The following EEF1A1 variants were observed in gnomAD, a reference collection of about 807,000 sequenced individuals.
EEF1A1 encodes eukaryotic translation elongation factor 1 alpha 1.
In EEF1A1, 1 loss-of-function variant was observed where a neutral mutation model predicts 38.5. The ratio of observed to expected loss-of-function variants is 0.03; its 90% CI spans 0.01 to 0.12. The LOEUF (loss-of-function observed/expected upper bound fraction) is 0.12. Ranked by LOEUF, EEF1A1 falls within the 10% of genes least tolerant of loss-of-function variation. The pLI is 1.00. For missense variants in EEF1A1, 184 were observed against 588.3 expected (o/e 0.31, Z 7.11); for synonymous variants, 229 against 203.7 (o/e 1.12, Z -1.06).
rs1470680770 is a variant in EEF1A1 at position 73,517,125 on chromosome 6, G to A, written c.*685C>T. On this transcript the variant is annotated 3_prime_UTR_variant, in exon 8 of 8. Transcript: ENST00000309268. ...CTTATTTCTTATGTCATGGCAAATA[G>A]TCAACTTTCACTGCCCAGTCATTTT... 2 of 152,246 alleles carry A rather than the reference G, an allele frequency of 1.3e-5. No homozygotes were observed. The highest frequency in any genetic ancestry group is 2.4e-5 in the African/African-American group (1 of 41,432). 9.4% of individuals were successfully genotyped at this position (152,246 alleles called of 1,614,324 possible). A position where few individuals can be genotyped will look rare whatever the true frequency, so the allele number is the denominator to read the frequency against.
At chr6:73,520,886 A>C (rs1424922967) in intron 1 of EEF1A1, 114 bp downstream of exon 1, 1 of 152,604 alleles carries the variant, frequency 6.6e-6, no homozygotes, top group Non-Finnish European at 1.5e-5. Context: ...TCCAACCCGA[A>C]GCTCGGGATC....
At chr6:73,519,801 A>G in intron 2 of EEF1A1, 82 bp downstream of exon 2, 1 of 1,578,168 alleles carries the variant, frequency 6.3e-7, no homozygotes. Flanking sequence ...TAAACCACTC[A>G]CTAGTTCTGG....
rs1374061974 is a variant in EEF1A1 at position 73,519,505 on chromosome 6, G to A, written c.156C>T (p.Gly52=). ...FEKEAAEMGK[G]SFKYAWVLDK... Reference sequence around the variant, plus strand: ...CCAAGACCCAGGCATACTTGAAGGAGCCCTTTCCCATCTGTAAGGATTAAG... The same window carrying A: ...CCAAGACCCAGGCATACTTGAAGGAACCCTTTCCCATCTGTAAGGATTAAG... Residue 52 remains glycine, a synonymous_variant, in exon 3 of 8, where the codon GGC becomes GGT. Transcript: ENST00000309268. 4 of 1,595,794 alleles carry A rather than the reference G, an allele frequency of 2.5e-6. No homozygotes were observed. Among genetic ancestry groups the A allele is most frequent in the Non-Finnish European group, 3.4e-6 (4 of 1,176,950 alleles).
At position 73,519,758 on chromosome 6, in the gene EEF1A1, A is replaced by T. The variant is rs980932433; in HGVS notation, c.144+125T>A. On this transcript the variant is annotated intron_variant, in intron 2 of 7. Coordinates refer to ENST00000309268, the MANE Select transcript of EEF1A1 (RefSeq NM_001402.6). The stretch of plus-strand genomic sequence containing the variant: ...AAGTCACCAAAAGCAAAATTATTTC[A>T]TAAGTAAGGTCTTAACTATTAGCAT... 1.1e-5 allele frequency: 15 copies of T among 1,415,732 alleles called. No individual in the cohort carries two copies. In the East Asian group the frequency reaches 1.4e-4, roughly 13 times the overall value. The allele number at this position is 1,415,732 out of a possible 1,614,324, so 87.7% of individuals were successfully genotyped here. A position where few individuals can be genotyped will look rare whatever the true frequency, so the allele number is the denominator to read the frequency against.
chr6:73,519,301 G>A lies in EEF1A1; in HGVS notation c.324+36C>T, dbSNP rs377044681. On this transcript the variant is annotated intron_variant, in intron 3 of 7. Transcript: ENST00000309268. ...AACCAGTGTACAAAGCAAGCCTTTT[G>A]GGATAAAGAAACCTAGAATTATTAA... is the stretch of plus-strand genomic sequence containing the variant. The A allele has an allele frequency of 4.5e-5, 73 of 1,606,528 alleles. No homozygotes were observed. The African/African-American group carries it at 9.1e-4, about 20-fold the overall frequency.
At chr6:73,518,001 CTT>C (rs769047471) in intron 7 of EEF1A1, 27 bp downstream of exon 7, 23 of 1,610,484 alleles carry the variant, frequency 1.4e-5, no homozygotes, top group Non-Finnish European at 1.7e-5. Flanking sequence ...TTTAACACAA[CTT>C]TTTTACATTT....
At position 73,518,190 on chromosome 6, in the gene EEF1A1, A is replaced by G. The variant is rs776743997; in HGVS notation, c.1104T>C (p.Ile368=). ...CCTTCAGCTCAGCAAACTTGCATGC[A>G]ATGTGAGCCGTGTGGCAATCCAATA... ...APVLDCHTAH[I]ACKFAELKEK... The change falls in exon 7 of 8, where the codon ATT becomes ATC. Residue 368 remains isoleucine, a synonymous_variant. Coordinates refer to ENST00000309268, the MANE Select transcript of EEF1A1 (RefSeq NM_001402.6). 1.2e-6 allele frequency: 2 copies of G among 1,613,862 alleles called. No homozygotes were observed. The highest frequency in any genetic ancestry group is 1.7e-5 in the Admixed American group (1 of 60,022).
rs1271460397 is a variant in EEF1A1 at position 73,517,256 on chromosome 6, ACT to A, written c.*552_*553del. 1 of 151,416 alleles carries A rather than the reference ACT, an allele frequency of 6.6e-6. No homozygotes were observed. The highest frequency in any genetic ancestry group is 1.5e-5 in the Non-Finnish European group (1 of 68,120). The allele number at this position is 151,416 out of a possible 1,614,324, so 9.4% of individuals were successfully genotyped here. On this transcript the variant is annotated 3_prime_UTR_variant, in exon 8 of 8. Coordinates refer to ENST00000309268, the MANE Select transcript of EEF1A1 (RefSeq NM_001402.6). ...ATGAAGCTTTCTATGCAACACAAGG[ACT>A]CAGTTTTTGGCCTGTTTTAGTGACA... is the stretch of plus-strand genomic sequence containing the variant.
At chr6:73,518,901 CT>C (rs755336923) in intron 4 of EEF1A1, 30 bp downstream of exon 4, 1 of 1,610,916 alleles carries the variant, frequency 6.2e-7, no homozygotes, top group African/African-American at 1.3e-5. Context: ...ATTCCCAGAG[CT>C]TTTTAACAAT....
At position 73,520,019 on chromosome 6, in the gene EEF1A1, T is replaced by C; in HGVS notation, c.8A>G (p.Lys3Arg). Residue 3 changes from lysine (K) to arginine (R), a missense_variant, in exon 2 of 8, where the codon AAG becomes AGG. By Grantham distance (26) the Lys-to-Arg change is conservative (BLOSUM62 2). Transcript: ENST00000309268. ...GACAATGTTGATATGAGTCTTTTCC[T>C]TTCCCATTTTGGCTTTTAGGGGTAG... is the stretch of plus-strand genomic sequence containing the variant. Reference protein sequence around the residue: MGKEKTHINIVVI... With the variant: MGREKTHINIVVI... 1 of 1,590,012 alleles carries C rather than the reference T, an allele frequency of 6.3e-7. No individual in the cohort carries two copies. Among genetic ancestry groups the C allele is most frequent in the East Asian group, 2.2e-5 (1 of 44,794 alleles).
At position 73,518,694 on chromosome 6, in the gene EEF1A1, T is replaced by A. The variant is rs528534612; in HGVS notation, c.772+4A>T. ...AAATTCAACTTTGTTTACAGCCAAC[T>A]TACCACCAATTTTGTAGACATCCTG... On this transcript the variant is annotated splice_donor_region_variant and intron_variant, in intron 5 of 7. Coordinates refer to ENST00000309268, the MANE Select transcript of EEF1A1 (RefSeq NM_001402.6). 10 of 1,614,000 alleles carry A rather than the reference T, an allele frequency of 6.2e-6. No individual in the cohort carries two copies. The African/African-American group carries it at 9.3e-5, about 15-fold the overall frequency.
At position 73,516,976 on chromosome 6, in the gene EEF1A1, G is replaced by T. The variant is rs1050122092; in HGVS notation, c.*834C>A. On this transcript the variant is annotated 3_prime_UTR_variant, in exon 8 of 8. Coordinates refer to ENST00000309268, the MANE Select transcript of EEF1A1 (RefSeq NM_001402.6). Reference sequence around the variant, plus strand: ...TTCAAATTGCCATCTTTTTCTATTAGAACCTTGTTCCTATTCTGAATAGCA... The same window carrying T: ...TTCAAATTGCCATCTTTTTCTATTATAACCTTGTTCCTATTCTGAATAGCA... 6.6e-6 allele frequency: 1 copy of T among 152,142 alleles called. No homozygotes were observed. Among genetic ancestry groups the T allele is most frequent in the Non-Finnish European group, 1.5e-5 (1 of 68,034 alleles). The allele number at this position is 152,142 out of a possible 1,614,324, so 9.4% of individuals were successfully genotyped here.
intron 1 of EEF1A1, 181 bp from the exon 2 acceptor site, chr6:73,520,237 A>G: frequency 1.8e-6 from 1 of 546,498 alleles, no homozygotes. Flanking sequence ...CCCAACCTAA[A>G]GACGACGTAC....
chr6:73,515,863 C>T lies in EEF1A1; in HGVS notation c.*1947G>A, dbSNP rs964886742. On this transcript the variant is annotated 3_prime_UTR_variant, in exon 8 of 8. Coordinates refer to ENST00000309268, the MANE Select transcript of EEF1A1 (RefSeq NM_001402.6). Reference sequence around the variant, plus strand: ...GGTTTCACAGGAAGTTAATCTCAATCTCAGTATATGCAAGTAAACTGACTC... The same window carrying T: ...GGTTTCACAGGAAGTTAATCTCAATTTCAGTATATGCAAGTAAACTGACTC... 1 of 152,210 alleles carries T rather than the reference C, an allele frequency of 6.6e-6. No individual in the cohort carries two copies. The highest frequency in any genetic ancestry group is 1.5e-5 in the Non-Finnish European group (1 of 68,044). The allele number at this position is 152,210 out of a possible 1,614,324, so 9.4% of individuals were successfully genotyped here. A position where few individuals can be genotyped will look rare whatever the true frequency, so the allele number is the denominator to read the frequency against.
At chr6:73,518,673 T>G (rs1561962786) in intron 5 of EEF1A1, 25 bp downstream of exon 5, 4 of 1,613,264 alleles carry the variant, frequency 2.5e-6, no homozygotes, top group Non-Finnish European at 3.4e-6. Flanking sequence ...CAACTCAAAT[T>G]CAACTTTGTT....
rs898215396 is a variant in EEF1A1, at chr6:73,516,880, T to A, written c.*930A>T. On this transcript the variant is annotated 3_prime_UTR_variant, in exon 8 of 8. Transcript: ENST00000309268. Reference sequence around the variant, plus strand: ...AGTGACCAAGTAGACAAACTGCTAATTATCAAAGCATAAAAGGTATTAGAC... The same window carrying A: ...AGTGACCAAGTAGACAAACTGCTAAATATCAAAGCATAAAAGGTATTAGAC... 2.6e-5 allele frequency: 4 copies of A among 152,214 alleles called. No individual in the cohort carries two copies. Among genetic ancestry groups the A allele is most frequent in the East Asian group, 1.9e-4 (1 of 5,196 alleles). 9.4% of individuals were successfully genotyped at this position (152,214 alleles called of 1,614,324 possible).
At chr6:73,518,631 CT>C in intron 5 of EEF1A1, 21 bp from the exon 6 acceptor site, 1 of 1,613,034 alleles carries the variant, frequency 6.2e-7, no homozygotes, top group African/African-American at 1.3e-5. Flanking sequence ...TTACAGCATA[CT>C]AAATACCTAT....
intron 1 of EEF1A1, chr6:73,520,495 C>G (rs1765627542): frequency 6.5e-6 from 1 of 153,826 alleles, no homozygotes; most frequent in African/African-American, 2.4e-5. Flanking sequence ...CGATACACGG[C>G]GGCGCGAGGC....
At chr6:73,518,327 T>C (rs1488574566) in intron 6 of EEF1A1, 27 bp downstream of exon 6, 2 of 1,611,942 alleles carry the variant, frequency 1.2e-6, no homozygotes, top group Admixed American at 1.7e-5. Context: ...GCCTCTGCAA[T>C]AAGTTAATGT....
Sources: allele counts gnomAD v4.1 joint callset, GRCh38; gene constraint gnomAD v4.1.1; transcripts MANE v1.5; gene names NCBI Gene and HGNC (gene_info 2026-07-23, HGNC 2026-07-21).